Variants in ALPK3 observed in about 807,000 individuals in gnomAD.
The protein encoded by ALPK3 is alpha kinase 3, also known as alpha-protein kinase 3.
Under a neutral mutation model 140.0 loss-of-function variants are expected in ALPK3, and 102 were observed. The observed-to-expected ratio is 0.73, with a 90% CI of 0.62 to 0.86. ALPK3 has a LOEUF of 0.86. Ranked by LOEUF, ALPK3 falls within the 40% of genes least tolerant of loss-of-function variation. The pLI, the probability that ALPK3 is intolerant of heterozygous loss-of-function variation, is 0.00. For synonymous variants in ALPK3, 938 were observed against 898.5 expected, an observed-to-expected ratio of 1.04 and a Z score of -0.79; for missense variants, 2,254 against 2,208.2, an observed-to-expected ratio of 1.02 and a Z score of -0.42.
At position 84,860,161 on chromosome 15, in the gene ALPK3, A is replaced by G. The variant is rs1228990096; in HGVS notation, c.4129+89A>G. The G allele has an allele frequency of 2.7e-6, 4 of 1,459,818 alleles. No individual in the cohort carries two copies. The African/African-American group carries it at 4.2e-5, about 15-fold the overall frequency. 90.4% of individuals were successfully genotyped at this position (1,459,818 alleles called of 1,614,324 possible). On this transcript the variant is annotated intron_variant, in intron 9 of 13. Coordinates refer to ENST00000258888, the MANE Select transcript of ALPK3 (RefSeq NM_020778.5). ...TTTAAGGGCTTGGAATCTGGTCCCA[A>G]TCCACATACTGCTCCTCTTTGCCTC...
intron 5 of ALPK3, among the ~76,000 whole-genome samples, chr15:84,851,931 C>A (rs549575415): frequency 6.6e-6 from 1 of 152,066 alleles, no homozygotes; most frequent in Admixed American, 6.5e-5. Context: ...ATAGATAATG[C>A]CAAATTGCCG....
At position 84,868,534 on chromosome 15, in the gene ALPK3, A is replaced by G. The variant is rs1964031211; in HGVS notation, c.*78A>G. 3.7e-6 allele frequency: 5 copies of G among 1,342,666 alleles called. No homozygotes were observed. The highest frequency in any genetic ancestry group is 3.0e-6 in the Non-Finnish European group (3 of 1,000,316). 83.2% of individuals were successfully genotyped at this position (1,342,666 alleles called of 1,614,324 possible). ...CTTGAACTGGATGGAGACTTTCCAAATATGGAACTAACTGGAGAAGGTGCA... is the reference window on the plus strand; with the variant it reads ...CTTGAACTGGATGGAGACTTTCCAAGTATGGAACTAACTGGAGAAGGTGCA... On this transcript the variant is annotated 3_prime_UTR_variant, in exon 14 of 14. Transcript: ENST00000258888.
intron 1 of ALPK3, among the ~76,000 whole-genome samples, chr15:84,822,146 A>C (rs531953060): frequency 2.0e-5 from 3 of 152,122 alleles, no homozygotes; most frequent in Non-Finnish European, 2.9e-5. Context: ...GTGGTCATCA[A>C]ATGTGGAGCC....
intron 5 of ALPK3, among the ~76,000 whole-genome samples, chr15:84,844,353 A>C (rs1963704657): frequency 6.6e-6 from 1 of 151,600 alleles, no homozygotes; most frequent in Non-Finnish European, 1.5e-5. Flanking sequence ...GTTGCAGTGA[A>C]CTGAGATTGT....
In ALPK3 at chr15:84,857,853, C is replaced by T. The variant is rs753321062; in HGVS notation, c.3115C>T (p.Arg1039Cys). Reference protein sequence around the residue: ...TLLLSPCTSRRLTGLLDREVQ... With the variant: ...TLLLSPCTSRCLTGLLDREVQ... Reference sequence around the variant, plus strand: ...GCTGCTGAGCCCCTGTACCTCCCGCCGCCTCACCGGCCTCCTGGACCGTGA... The same window carrying T: ...GCTGCTGAGCCCCTGTACCTCCCGCTGCCTCACCGGCCTCCTGGACCGTGA... The change falls in exon 6 of 14, where the codon CGC becomes TGC. Residue 1039 changes from arginine to cysteine, a missense_variant. By Grantham distance (180) the Arg-to-Cys change is radical (BLOSUM62 -3). This residue lies in a region of ALPK3 where 2,088 missense variants were observed against 2,022.9 expected (regional missense o/e 1.03). Transcript: ENST00000258888. 32 of 1,611,836 alleles carry T rather than the reference C, an allele frequency of 2.0e-5. No homozygotes were observed. The highest frequency in any genetic ancestry group is 8.3e-5 in the Admixed American group (5 of 59,896).
Position 84,870,396 on chromosome 15 carries a change from G to C in ALPK3, c.*1940G>C, listed in dbSNP as rs1166996220. 6.6e-6 allele frequency: 1 copy of C among 152,220 alleles called. No homozygotes were observed. Among genetic ancestry groups the C allele is most frequent in the African/African-American group, 2.4e-5 (1 of 41,438 alleles). The allele number at this position is 152,220 out of a possible 1,614,324, so 9.4% of individuals were successfully genotyped here. A position where few individuals can be genotyped will look rare whatever the true frequency, so the allele number is the denominator to read the frequency against. Reference sequence around the variant, plus strand: ...CTCATTCAGCAGACATATACTGAGTGCTACTTTATGCCAGACCCTGGGCTG... The same window carrying C: ...CTCATTCAGCAGACATATACTGAGTCCTACTTTATGCCAGACCCTGGGCTG... On this transcript the variant is annotated 3_prime_UTR_variant, in exon 14 of 14. Coordinates refer to ENST00000258888, the MANE Select transcript of ALPK3 (RefSeq NM_020778.5).
rs376064840 is a variant in ALPK3, at chr15:84,868,174, G to A, written c.4836G>A (p.Gln1612=). The part of the protein sequence containing the change: ...ALLDRFASSH[Q]CNAYCELLGL... ...TGGACCGGTTCGCCTCCTCCCACCA[G>A]TGCAATGCCTACTGTGAGCTGCTGG... The change falls in exon 14 of 14, where the codon CAG becomes CAA. Residue 1612 remains glutamine (Q), a synonymous_variant. Transcript: ENST00000258888. 1.9e-6 allele frequency: 3 copies of A among 1,613,996 alleles called. No individual in the cohort carries two copies. The African/African-American group carries it at 4.0e-5, about 22-fold the overall frequency.
At chr15:84,860,166 C>G in intron 9 of ALPK3, 94 bp downstream of exon 9, 1 of 1,426,570 alleles carries the variant, frequency 7.0e-7, no homozygotes, top group Non-Finnish European at 9.8e-7. Flanking sequence ...TCCCAATCCA[C>G]ATACTGCTCC....
intron 3 of ALPK3, among the ~76,000 whole-genome samples, chr15:84,829,294 A>G (rs558508041): frequency 2.6e-5 from 4 of 152,348 alleles, no homozygotes; most frequent in South Asian, 4.1e-4. Flanking sequence ...CCCTGAACTT[A>G]TCTTCTTCAT....
rs1160452998 is a variant in ALPK3, at chr15:84,859,327, T to C, written c.3902T>C (p.Ile1301Thr). The change falls in exon 7 of 14, where the codon ATT becomes ACT. Residue 1301 changes from isoleucine to threonine, a missense_variant. This residue lies in a region of ALPK3 where 2,088 missense variants were observed against 2,022.9 expected (regional missense o/e 1.03). Transcript: ENST00000258888. ...AAGCTGTGGTGCCAGTTTTTCAACA[T>C]TCTTAGTGACTCAGTCTTGACATGG... ...SLKLWCQFFN[I>T]LSDSVLTWAK... 3.1e-6 allele frequency: 5 copies of C among 1,614,166 alleles called. No homozygotes were observed. The highest frequency in any genetic ancestry group is 4.2e-6 in the Non-Finnish European group (5 of 1,180,016).
At chr15:84,822,240 G>T (rs998114636) in intron 1 of ALPK3, among the ~76,000 whole-genome samples, 1 of 152,132 alleles carries the variant, frequency 6.6e-6, no homozygotes, top group Non-Finnish European at 1.5e-5. Context: ...CTGGATTTGG[G>T]GTTGGAGAAG....
Position 84,864,519 on chromosome 15 carries a change from C to T in ALPK3, c.4577C>T (p.Pro1526Leu), listed in dbSNP as rs758113429. ...ACCCTGGAGGAAGACCTGGGCAAGC[C>T]CCTGGAGTCTTACTGTTCTCGGGAA... ...YATLEEDLGKPLESYCSREWG... is the reference protein window; with the variant it reads ...YATLEEDLGKLLESYCSREWG... Residue 1526 changes from proline (P) to leucine (L), a missense_variant, in exon 12 of 14, where the codon CCC becomes CTC. Physicochemically the swap from Pro to Leu is moderately conservative, Grantham distance 98. Transcript: ENST00000258888. 15 of 1,614,172 alleles carry T rather than the reference C, an allele frequency of 9.3e-6. No homozygotes were observed. Among genetic ancestry groups the T allele is most frequent in the East Asian group, 2.2e-5 (1 of 44,878 alleles).
Position 84,857,396 on chromosome 15 carries a change from C to A in ALPK3, c.2658C>A (p.Thr886=). The change falls in exon 6 of 14, where the codon ACC becomes ACA. Residue 886 remains threonine (T), a synonymous_variant. Coordinates refer to ENST00000258888, the MANE Select transcript of ALPK3 (RefSeq NM_020778.5). ...TASPKAGPCS[T]PTSQHGSTAT... ...GCCCAAAGGCGGGGCCGTGTAGCACCCCGACTTCTCAGCACGGGAGCACAG... is the reference window on the plus strand; with the variant it reads ...GCCCAAAGGCGGGGCCGTGTAGCACACCGACTTCTCAGCACGGGAGCACAG... 2 of 1,614,112 alleles carry A rather than the reference C, an allele frequency of 1.2e-6. No homozygotes were observed. Among genetic ancestry groups the A allele is most frequent in the Admixed American group, 1.7e-5 (1 of 60,034 alleles).
chr15:84,862,998 A>C (rs1963966561), intron 10 of ALPK3, 83 bp downstream of exon 10: 1 of 1,534,444 alleles, frequency 6.5e-7, no homozygotes, highest in Non-Finnish European at 8.8e-7. Context: ...TAGGATGCCC[A>C]GTATCGAGGC....
chr15:84,832,959 AG>A (rs1449399619), intron 3 of ALPK3, among the ~76,000 whole-genome samples: 3 of 152,182 alleles, frequency 2.0e-5, no homozygotes, highest in Non-Finnish European at 4.4e-5. Flanking sequence ...TCTGGCTTAT[AG>A]AATCATGGGG....
chr15:84,843,123 A>G lies in ALPK3; in HGVS notation c.1653+2191A>G, dbSNP rs571659442. ...CAAAGGTAGGAGGAGGGGCTCAGGC[A>G]GTGTGGTACCTGAGAAGTTGTCTGT... On this transcript the variant is annotated intron_variant, in intron 5 of 13. Coordinates refer to ENST00000258888, the MANE Select transcript of ALPK3 (RefSeq NM_020778.5). Among the ~76,000 whole-genome samples, 489 of 152,304 alleles carry G rather than the reference A, an allele frequency of 3.2e-3. 1 individual carries two copies. The highest frequency in any genetic ancestry group is 0.011 in the African/African-American group (461 of 41,578).
intron 5 of ALPK3, among the ~76,000 whole-genome samples, chr15:84,853,769 C>CAA (rs113897225): frequency 1.4e-5 from 2 of 140,740 alleles, no homozygotes; most frequent in Non-Finnish European, 1.6e-5. Flanking sequence ...GAACCTGTCT[C>CAA]AAAAAAAAAA....
intron 5 of ALPK3, among the ~76,000 whole-genome samples, chr15:84,850,242 C>G (rs924277449): frequency 6.6e-6 from 1 of 152,208 alleles, no homozygotes; most frequent in African/African-American, 2.4e-5. Context: ...CCTTGCTCTT[C>G]CAAACCAGCA....
At position 84,858,322 on chromosome 15, in the gene ALPK3, G is replaced by A. The variant is rs754782459; in HGVS notation, c.3584G>A (p.Gly1195Glu). 5.1e-6 allele frequency: 8 copies of A among 1,562,592 alleles called. No homozygotes were observed. Among genetic ancestry groups the A allele is most frequent in the South Asian group, 3.5e-5 (3 of 85,270 alleles). The change falls in exon 6 of 14, where the codon GGG becomes GAG. Residue 1195 changes from glycine (G) to glutamate (E), a missense_variant. This residue lies in a region of ALPK3 where 2,088 missense variants were observed against 2,022.9 expected (regional missense o/e 1.03). Coordinates refer to ENST00000258888, the MANE Select transcript of ALPK3 (RefSeq NM_020778.5). ...GAGAGCCCCACGGTTTCCCCCCGGG[G>A]GCCCAGGAAAAGCCTGGTGCCTGGG... ...ERESPTVSPRGPRKSLVPGSP... is the reference protein window; with the variant it reads ...ERESPTVSPREPRKSLVPGSP...
Sources: allele counts gnomAD v4.1 joint callset (sites outside exome capture counted in the v4.1 genomes callset), GRCh38; gene constraint gnomAD v4.1.1; regional missense constraint gnomAD v4.1.1; transcripts MANE v1.5; gene names NCBI Gene and HGNC (gene_info 2026-07-23, HGNC 2026-07-21).